LYZL4: variants seen among roughly 807,000 people sequenced by gnomAD.
The protein encoded by LYZL4 is lysozyme like 4, also known as lysozyme-like protein 4.
A neutral mutation model predicts 17.6 loss-of-function variants in LYZL4; 13 were observed. The observed-to-expected ratio is 0.74, with a 90% CI of 0.48 to 1.18. The LOEUF (loss-of-function observed/expected upper bound fraction) is 1.18, where lower values mean the gene tolerates loss of function less well. Among genes scored for constraint, LYZL4 ranks in the 50% most tolerant of loss-of-function variants. LYZL4 has a pLI of 0.00. For missense variants in LYZL4, 174 were observed against 188.2 expected, an observed-to-expected ratio of 0.92 and a Z score of 0.44; for synonymous variants, 64 against 67.7, an observed-to-expected ratio of 0.95 and a Z score of 0.27.
the LYZL4 span, among the ~76,000 whole-genome samples, chr3:42,369,720 G>T: frequency 9.2e-5 from 14 of 152,180 alleles, no homozygotes; most frequent in Non-Finnish European, 2.1e-4. Flanking sequence ...GAATGCTTTC[G>T]ACTTGGATCC....
the LYZL4 span, among the ~76,000 whole-genome samples, chr3:42,391,670 G>A: frequency 1.1e-3 from 168 of 152,220 alleles, no homozygotes; most frequent in African/African-American, 3.8e-3. Context: ...CGTTTTTTGA[G>A]GAATTTTTAA....
At chr3:42,404,188 A>C in intron 3 of LYZL4, 64 bp from the exon 4 acceptor site, 1 of 1,060,498 alleles carries the variant, frequency 9.4e-7, no homozygotes, top group East Asian at 2.4e-5. Context: ...GAGTGATGTC[A>C]GGGAAGGTAC....
chr3:42,404,312 T>C lies in LYZL4; in HGVS notation c.293-188A>G, dbSNP rs113383289. ...GATGGAGTCATCTTTTTACCAGATC[T>C]ATTGATTTTTTAACTTGTAATTCTT... On this transcript the variant is annotated intron_variant, in intron 3 of 4. Coordinates refer to ENST00000287748, the MANE Select transcript of LYZL4 (RefSeq NM_144634.4). Among the ~76,000 whole-genome samples the C allele has an allele frequency of 4.8e-3, 733 of 152,348 alleles. 7 individuals are homozygous for C. Among genetic ancestry groups the C allele is most frequent in the African/African-American group, 0.017 (693 of 41,584 alleles).
the LYZL4 span, among the ~76,000 whole-genome samples, chr3:42,374,973 C>A: frequency 5.3e-5 from 8 of 152,182 alleles, no homozygotes; most frequent in South Asian, 1.7e-3. Flanking sequence ...CCATACCTAG[C>A]TAATTTTTTG....
chr3:42,377,865 C>T, the LYZL4 span, among the ~76,000 whole-genome samples: 2 of 152,166 alleles, frequency 1.3e-5, no homozygotes, highest in Non-Finnish European at 1.5e-5. Context: ...CAGGAGCCTT[C>T]GGCAGATCTG....
At chr3:42,386,395 G>GCCCCCCCC in the LYZL4 span, among the ~76,000 whole-genome samples, 75 of 107,502 alleles carry the variant, frequency 7.0e-4, 1 homozygote, top group African/African-American at 9.2e-4. Flanking sequence ...GAGCCACCAC[G>GCCCCCCCC]CCCCCCCCCC....
At chr3:42,375,641 C>A in the LYZL4 span, among the ~76,000 whole-genome samples, 1 of 152,172 alleles carries the variant, frequency 6.6e-6, no homozygotes, top group Middle Eastern at 3.2e-3. Flanking sequence ...ACTAGAGAGG[C>A]AGGCTGGGGG....
intron 3 of LYZL4, among the ~76,000 whole-genome samples, chr3:42,406,048 G>A (rs557516000): frequency 1.9e-4 from 29 of 152,274 alleles, no homozygotes; most frequent in African/African-American, 5.5e-4. Flanking sequence ...CTTAATCACA[G>A]GTACTTGGGA....
downstream of LYZL4, among the ~76,000 whole-genome samples, chr3:42,394,695 C>T (rs1242523835): frequency 6.6e-6 from 1 of 152,198 alleles, no homozygotes; most frequent in Non-Finnish European, 1.5e-5. Context: ...CACCCATTAT[C>T]AGTGGGCTTG....
chr3:42,378,829 G>A, the LYZL4 span, among the ~76,000 whole-genome samples: 61 of 152,118 alleles, frequency 4.0e-4, no homozygotes, highest in African/African-American at 1.3e-3. Context: ...CTTCATTCTC[G>A]CAGCAATCTG....
At chr3:42,372,415 GA>G in the LYZL4 span, among the ~76,000 whole-genome samples, 1 of 152,222 alleles carries the variant, frequency 6.6e-6, no homozygotes, top group Non-Finnish European at 1.5e-5. Context: ...AGGGCTGCCA[GA>G]GGCAGACCCT....
At chr3:42,387,076 T>C in the LYZL4 span, among the ~76,000 whole-genome samples, 1 of 152,230 alleles carries the variant, frequency 6.6e-6, no homozygotes, top group African/African-American at 2.4e-5. Flanking sequence ...CACTTTACTT[T>C]TACTCCATAT....
chr3:42,394,112 T>C (rs1412819467), downstream of LYZL4, among the ~76,000 whole-genome samples: 1 of 152,170 alleles, frequency 6.6e-6, no homozygotes, highest in African/African-American at 2.4e-5. Flanking sequence ...TGATTTTTAC[T>C]ATGACAGAAG....
rs185419838 is a variant in LYZL4 at position 42,400,785 on chromosome 3, G to C, written c.371+3261C>G. Among the ~76,000 whole-genome samples the C allele has an allele frequency of 5.3e-5, 8 of 152,274 alleles. No individual in the cohort carries two copies. In the East Asian group the frequency reaches 1.4e-3, roughly 26 times the overall value. On this transcript the variant is annotated intron_variant, in intron 4 of 4. Transcript: ENST00000287748. ...GTAATTATAAAATGTGGGACGGGGGGAGAAAAGGTAGGGGAAGAAGGAAGT... is the reference window on the plus strand; with the variant it reads ...GTAATTATAAAATGTGGGACGGGGGCAGAAAAGGTAGGGGAAGAAGGAAGT...
At chr3:42,384,834 A>G in the LYZL4 span, among the ~76,000 whole-genome samples, 1 of 152,112 alleles carries the variant, frequency 6.6e-6, no homozygotes, top group Non-Finnish European at 1.5e-5. Context: ...CTGGATCTCC[A>G]TCTTCCTGGT....
the LYZL4 span, among the ~76,000 whole-genome samples, chr3:42,386,719 T>C: frequency 2.6e-5 from 4 of 152,208 alleles, no homozygotes. Context: ...TTTTAAGAAG[T>C]TACTGTTAAT....
intron 4 of LYZL4, among the ~76,000 whole-genome samples, chr3:42,401,498 T>C (rs2125600913): frequency 6.6e-6 from 1 of 152,280 alleles, no homozygotes; most frequent in East Asian, 1.9e-4. Flanking sequence ...ATTATAGGCA[T>C]GAGCCACCGC....
At chr3:42,376,226 C>T in the LYZL4 span, among the ~76,000 whole-genome samples, 1 of 152,242 alleles carries the variant, frequency 6.6e-6, no homozygotes, top group Non-Finnish European at 1.5e-5. Context: ...GGAATCCACC[C>T]TTCGCAGGGA....
At chr3:42,389,598 T>C in the LYZL4 span, among the ~76,000 whole-genome samples, 2 of 152,172 alleles carry the variant, frequency 1.3e-5, no homozygotes, top group African/African-American at 4.8e-5. Context: ...AATAACTACT[T>C]TCCTTTTGAG....
Sources: allele counts gnomAD v4.1 joint callset (sites outside exome capture counted in the v4.1 genomes callset), GRCh38; gene constraint gnomAD v4.1.1; transcripts MANE v1.5; gene names NCBI Gene and HGNC (gene_info 2026-07-23, HGNC 2026-07-21).